The following SH3RF3 variants were observed in gnomAD, a reference collection of about 807,000 sequenced individuals.
SH3RF3 encodes the protein SH3 domain containing ring finger 3.
SH3RF3 carries 29 observed loss-of-function variants against 66.3 expected under a neutral mutation model. That is an observed-to-expected ratio of 0.44 (90% CI 0.33 to 0.60). SH3RF3 has a LOEUF of 0.60. Ranked by LOEUF, SH3RF3 falls within the 20% of genes least tolerant of loss-of-function variation. SH3RF3 has a pLI of 0.04. For synonymous variants in SH3RF3, 583 were observed against 532.0 expected (o/e 1.10, Z -1.32); for missense variants, 1,194 against 1,190.9 (o/e 1.00, Z -0.04).
chr2:109,139,039 A>G (rs1375529188), intron 1 of SH3RF3, among the ~76,000 whole-genome samples: 4 of 152,196 alleles, frequency 2.6e-5, no homozygotes, highest in Non-Finnish European at 5.9e-5. Flanking sequence ...GTCATGGGTG[A>G]TGTCTGTGGA....
rs1574464927 is a variant in SH3RF3, at chr2:109,130,005, C to T, written c.465C>T (p.Gly155=). Residue 155 remains glycine, a synonymous_variant, in exon 1 of 10, where the codon GGC becomes GGT. Coordinates refer to ENST00000309415, the MANE Select transcript of SH3RF3 (RefSeq NM_001099289.3). ...AAPTLAGGGG[G]AAGSTPGSPV... is the part of the protein sequence containing the mutation. ...CCACGCTCGCGGGCGGCGGGGGCGG[C>T]GCGGCAGGCAGCACCCCGGGTTCCC... The T allele has an allele frequency of 6.9e-6, 9 of 1,299,366 alleles. No individual in the cohort carries two copies. The East Asian group carries it at 1.6e-4, about 23-fold the overall frequency. The allele number at this position is 1,299,366 out of a possible 1,614,324, so 80.5% of individuals were successfully genotyped here.
Position 109,189,241 on chromosome 2 carries a change from C to T in SH3RF3, c.573+59128C>T, listed in dbSNP as rs755521172. 4.0e-4 allele frequency among the ~76,000 whole-genome samples: 61 copies of T among 151,720 alleles called. 1 individual carries two copies. The highest frequency in any genetic ancestry group is 7.5e-4 in the Non-Finnish European group (51 of 67,958). On this transcript the variant is annotated intron_variant, in intron 1 of 9. Transcript: ENST00000309415. ...CTCTGGTGTGTTCAGAAGGAGGTGG[C>T]GTGAGGTCTGGCCAAGCTTGATCTG... is the stretch of plus-strand genomic sequence containing the variant.
intron 1 of SH3RF3, among the ~76,000 whole-genome samples, chr2:109,161,746 C>G (rs1677495130): frequency 6.6e-6 from 1 of 151,804 alleles, no homozygotes; most frequent in South Asian, 2.1e-4. Flanking sequence ...ACAACCAGCT[C>G]TCAGGGGAAC....
intron 8 of SH3RF3, among the ~76,000 whole-genome samples, chr2:109,464,370 A>T (rs1247357037): frequency 6.6e-6 from 1 of 152,280 alleles, no homozygotes; most frequent in Non-Finnish European, 1.5e-5. Flanking sequence ...AAGCATATTT[A>T]TGTATATACA....
chr2:109,364,958 G>C (rs112531221), intron 2 of SH3RF3, among the ~76,000 whole-genome samples: 1,869 of 152,222 alleles, frequency 0.012, 40 homozygotes, highest in African/African-American at 0.038. Context: ...GGGTGTAGTG[G>C]CACACGCTTG....
chr2:109,352,488 G>A (rs763453535), intron 2 of SH3RF3, among the ~76,000 whole-genome samples: 1 of 152,208 alleles, frequency 6.6e-6, no homozygotes, highest in Non-Finnish European at 1.5e-5. Context: ...AATTTGCAGT[G>A]TCGTCTCTGC....
At position 109,291,423 on chromosome 2, in the gene SH3RF3, A is replaced by G. The variant is rs143725969; in HGVS notation, c.574-56251A>G. 2.2e-3 allele frequency among the ~76,000 whole-genome samples: 342 copies of G among 152,174 alleles called. 2 individuals carry two copies. Among genetic ancestry groups the G allele is most frequent in the African/African-American group, 8.0e-3 (330 of 41,508 alleles). ...GGGATTATGCATCTCAGTTCCTGCA[A>G]TCTCGCCTGGCTGCCGTGCAGGAGT... On this transcript the variant is annotated intron_variant, in intron 1 of 9. Transcript: ENST00000309415.
intron 1 of SH3RF3, among the ~76,000 whole-genome samples, chr2:109,319,671 T>G (rs1342182298): frequency 6.6e-6 from 1 of 152,220 alleles, no homozygotes; most frequent in East Asian, 1.9e-4. Flanking sequence ...CTCCTCTCTT[T>G]TTAAAGTGTG....
intron 1 of SH3RF3, among the ~76,000 whole-genome samples, chr2:109,179,227 G>T (rs1678010909): frequency 6.6e-6 from 1 of 152,146 alleles, no homozygotes; most frequent in Non-Finnish European, 1.5e-5. Context: ...TCTACTTCCT[G>T]TTCTGACATG....
At chr2:109,178,280 G>C (rs1351112056) in intron 1 of SH3RF3, among the ~76,000 whole-genome samples, 1 of 152,024 alleles carries the variant, frequency 6.6e-6, no homozygotes, top group Non-Finnish European at 1.5e-5. Flanking sequence ...CTGCCTCTTT[G>C]CTTTAATTTT....
chr2:109,306,693 A>C (rs1019369217), intron 1 of SH3RF3, among the ~76,000 whole-genome samples: 1 of 152,220 alleles, frequency 6.6e-6, no homozygotes, highest in Non-Finnish European at 1.5e-5. Context: ...CATGTTACTG[A>C]AGACAACTCC....
intron 1 of SH3RF3, among the ~76,000 whole-genome samples, chr2:109,143,874 A>G (rs917680276): frequency 6.6e-6 from 1 of 152,230 alleles, no homozygotes; most frequent in Non-Finnish European, 1.5e-5. Context: ...ATCTTAAAAA[A>G]GAAGGAAATC....
chr2:109,299,362 C>T (rs1681401020), intron 1 of SH3RF3, among the ~76,000 whole-genome samples: 1 of 152,170 alleles, frequency 6.6e-6, no homozygotes, highest in Non-Finnish European at 1.5e-5. Flanking sequence ...ACTGCTGTGA[C>T]CACATATTCC....
intron 3 of SH3RF3, among the ~76,000 whole-genome samples, chr2:109,395,145 A>T (rs560621321): frequency 6.6e-6 from 1 of 152,124 alleles, no homozygotes; most frequent in Admixed American, 6.5e-5. Flanking sequence ...AGTGCCTGGG[A>T]CTCCGCAGGC....
chr2:109,170,613 G>T (rs1034258772), intron 1 of SH3RF3, among the ~76,000 whole-genome samples: 1 of 152,142 alleles, frequency 6.6e-6, no homozygotes, highest in Non-Finnish European at 1.5e-5. Context: ...GCCACCCAAA[G>T]CGCTGGGATT....
chr2:109,484,340 T>A (rs1678914311), intron 8 of SH3RF3, among the ~76,000 whole-genome samples: 1 of 152,158 alleles, frequency 6.6e-6, no homozygotes, highest in Non-Finnish European at 1.5e-5. Context: ...GTGCTGGGAT[T>A]ACAGGCATGA....
At chr2:109,365,515 T>G (rs549981747) in intron 2 of SH3RF3, among the ~76,000 whole-genome samples, 61 of 152,320 alleles carry the variant, frequency 4.0e-4, no homozygotes, top group African/African-American at 1.5e-3. Flanking sequence ...TTTGTTCAGC[T>G]TTTTTACTCA....
chr2:109,490,913 G>A lies in SH3RF3; in HGVS notation c.2457G>A (p.Glu819=). 2 of 1,509,968 alleles carry A rather than the reference G, an allele frequency of 1.3e-6. No individual in the cohort carries two copies. The highest frequency in any genetic ancestry group is 1.2e-5 in the South Asian group (1 of 80,408). 93.5% of individuals were successfully genotyped at this position (1,509,968 alleles called of 1,614,324 possible). A position where few individuals can be genotyped will look rare whatever the true frequency, so the allele number is the denominator to read the frequency against. ...TGTCCATGGCTGCCATCCGCCCCGA[G>A]CCCAAGCTGTTGCCCAGAGAGAGGT... ...APLSMAAIRP[E]PKLLPRERYR... The change falls in exon 9 of 10, where the codon GAG becomes GAA. Residue 819 remains glutamate, a synonymous_variant. Transcript: ENST00000309415.
intron 3 of SH3RF3, among the ~76,000 whole-genome samples, chr2:109,396,853 G>A (rs577823077): frequency 3.6e-4 from 55 of 152,356 alleles, no homozygotes; most frequent in African/African-American, 1.2e-3. Flanking sequence ...CTTCCATAGC[G>A]GCTCACATGG....
Sources: allele counts gnomAD v4.1 joint callset (sites outside exome capture counted in the v4.1 genomes callset), GRCh38; gene constraint gnomAD v4.1.1; transcripts MANE v1.5; gene names NCBI Gene and HGNC (gene_info 2026-07-23, HGNC 2026-07-21).